Variants in ZNF217 observed in about 807,000 individuals in gnomAD.
ZNF217 encodes the protein zinc finger protein 217.
A neutral mutation model predicts 73.3 loss-of-function variants in ZNF217; 12 were observed. The observed-to-expected ratio is 0.16, with a 90% CI of 0.10 to 0.27. ZNF217 has a LOEUF of 0.27. Among genes scored for constraint, ZNF217 ranks in the 10% least tolerant of loss-of-function variants. The probability of loss-of-function intolerance (pLI) is 1.00; values close to 1 mark genes in which losing one functional copy is unlikely to be tolerated. For synonymous variants in ZNF217, 588 were observed against 516.4 expected (o/e 1.14, Z -1.88); for missense variants, 1,195 against 1,327.8 (o/e 0.90, Z 1.55).
In ZNF217 at chr20:53,581,129, TAAG is replaced by T. The variant is rs1203181568; in HGVS notation, c.1366+329_1366+331del. 6.6e-6 allele frequency among the ~76,000 whole-genome samples: 1 copy of T among 151,942 alleles called. No homozygotes were observed. Among genetic ancestry groups the T allele is most frequent in the Admixed American group, 6.6e-5 (1 of 15,260 alleles). On this transcript the variant is annotated intron_variant, in intron 2 of 5. Coordinates refer to ENST00000371471, the MANE Select transcript of ZNF217 (RefSeq NM_006526.3). The surrounding 1 kb of genome is among the most constrained non-coding windows in gnomAD (Gnocchi z 4.9). Reference sequence around the variant, plus strand: ...TGATTGGGAACAAAATCGCCCCAGTTAAGAAGCAGTGCATTTGGGCTGGATGCA... The same window carrying T: ...TGATTGGGAACAAAATCGCCCCAGTTAAGCAGTGCATTTGGGCTGGATGCA...
Position 53,575,790 on chromosome 20 carries a change from C to A in ZNF217, c.2974G>T (p.Gly992Cys), listed in dbSNP as rs1420052521. ...NVLTVQKPYG[G>C]SGPLYTCVPA... ...ACACAAGTGTAAAGTGGCCCGGAGC[C>A]ACCATAGGGCTTCTGAACAGTCAGC... The change falls in exon 4 of 6, where the codon GGC becomes TGC. Residue 992 changes from glycine to cysteine, a missense_variant. By Grantham distance (159) the Gly-to-Cys change is radical. Around this residue, in one of 9 missense-constraint regions of ZNF217, gnomAD observed 649 missense variants for 642.8 expected, o/e 1.01. Transcript: ENST00000371471. 5 of 1,612,528 alleles carry A rather than the reference C, an allele frequency of 3.1e-6. No individual in the cohort carries two copies. The South Asian group carries it at 5.5e-5, about 18-fold the overall frequency.
chr20:53,595,400 C>G (rs1465518368), upstream of ZNF217, among the ~76,000 whole-genome samples: 5 of 152,106 alleles, frequency 3.3e-5, no homozygotes, highest in Non-Finnish European at 7.4e-5. Flanking sequence ...TATCTATTTC[C>G]TAAATCAAAA....
chr20:53,570,992 A>C (rs1468075992), intron 5 of ZNF217, among the ~76,000 whole-genome samples: 1 of 152,198 alleles, frequency 6.6e-6, no homozygotes, highest in East Asian at 1.9e-4. Context: ...AAATAGTTTC[A>C]GCTTTGCAGG....
At position 53,583,166 on chromosome 20, in the gene ZNF217, ACC is replaced by A; in HGVS notation, c.-342_-341del. On this transcript the variant is annotated splice_region_variant and 5_prime_UTR_variant, in exon 2 of 6. An upstream open reading frame in the 5' UTR gains an earlier in-frame stop. Transcript: ENST00000371471. ...CAACCTGGAGACAAGGGATTTCCAA[ACC>A]CTAGAGGAAAAAAAACAGAAACGGT... 1 of 409,484 alleles carries A rather than the reference ACC, an allele frequency of 2.4e-6. No individual in the cohort carries two copies. The highest frequency in any genetic ancestry group is 1.0e-4 in the South Asian group (1 of 9,930). The allele number at this position is 409,484 out of a possible 1,614,324, so 25.4% of individuals were successfully genotyped here.
chr20:53,576,117 C>G lies in ZNF217; in HGVS notation c.2647G>C (p.Asp883His), dbSNP rs534730377. ...LGSSNINGSI[D>H]YPAKNDSPWA... ...GGGCTGTCGTTCTTGGCGGGGTAGTCGATGGAACCATTGATGTTACTGCTG... is the reference window on the plus strand; with the variant it reads ...GGGCTGTCGTTCTTGGCGGGGTAGTGGATGGAACCATTGATGTTACTGCTG... Residue 883 changes from aspartate to histidine, a missense_variant, in exon 4 of 6, where the codon GAC (aspartate) becomes CAC (histidine). Coordinates refer to ENST00000371471, the MANE Select transcript of ZNF217 (RefSeq NM_006526.3). 6.2e-7 allele frequency: 1 copy of G among 1,614,104 alleles called. No homozygotes were observed. The highest frequency in any genetic ancestry group is 2.2e-5 in the East Asian group (1 of 44,892).
rs34495111 is a variant in ZNF217, at chr20:53,575,869, C to T, written c.2895G>A (p.Ala965=). The T allele has an allele frequency of 0.02, 32,391 of 1,614,156 alleles. 1,387 individuals are homozygous for T. Among genetic ancestry groups the T allele is most frequent in the East Asian group, 0.16 (7,035 of 44,880 alleles). The change falls in exon 4 of 6, where the codon GCG becomes GCA. Residue 965 remains alanine, a synonymous_variant. Coordinates refer to ENST00000371471, the MANE Select transcript of ZNF217 (RefSeq NM_006526.3). ...LPQDCVYPSQ[A]LPPKPRFLSS... is the part of the protein sequence containing the mutation. ...TCAGGAACCTTGGTTTGGGAGGCAG[C>T]GCCTGCGACGGATACACACAGTCCT... is the stretch of plus-strand genomic sequence containing the variant.
intron 1 of ZNF217, among the ~76,000 whole-genome samples, chr20:53,589,310 TC>T (rs1472023923): frequency 6.6e-6 from 1 of 152,214 alleles, no homozygotes; most frequent in Non-Finnish European, 1.5e-5. Flanking sequence ...TCTTCAGCTG[TC>T]TTTTCAGGTT....
chr20:53,589,879 G>A (rs1355268971), intron 1 of ZNF217, among the ~76,000 whole-genome samples: 1 of 150,142 alleles, frequency 6.7e-6, no homozygotes, highest in Admixed American at 6.6e-5. Flanking sequence ...TCTTCCATGT[G>A]CGTTTAAATT....
At chr20:53,578,884 A>G (rs550390793) in intron 2 of ZNF217, among the ~76,000 whole-genome samples, 1 of 152,308 alleles carries the variant, frequency 6.6e-6, no homozygotes, top group South Asian at 2.1e-4. Flanking sequence ...ACAAACCGTC[A>G]ACTTCCCAAC....
chr20:53,574,872 A>G (rs1251153964), intron 4 of ZNF217: 1 of 152,016 alleles, frequency 6.6e-6, no homozygotes, highest in Non-Finnish European at 1.5e-5. Flanking sequence ...TACTGAGCAC[A>G]CCATACATGT....
At chr20:53,571,949 T>G in intron 4 of ZNF217, 96 bp from the exon 5 acceptor site, 1 of 1,286,100 alleles carries the variant, frequency 7.8e-7, no homozygotes, top group Non-Finnish European at 1.0e-6. Flanking sequence ...TTTCTGACAC[T>G]GATAATGTAA....
intron 5 of ZNF217, 53 bp from the exon 6 acceptor site, chr20:53,569,317 A>T: frequency 8.4e-7 from 1 of 1,193,760 alleles, no homozygotes; most frequent in Non-Finnish European, 1.1e-6. Context: ...AATACAGTTT[A>T]GAAAATTCTT....
intron 1 of ZNF217, among the ~76,000 whole-genome samples, chr20:53,590,994 TA>T (rs1988860095): frequency 6.6e-6 from 1 of 152,140 alleles, no homozygotes; most frequent in South Asian, 2.1e-4. Flanking sequence ...ACCCCCACCT[TA>T]AAAAAGTAAA....
chr20:53,571,802 C>T lies in ZNF217; in HGVS notation c.3089G>A (p.Arg1030Lys). 1 of 1,612,544 alleles carries T rather than the reference C, an allele frequency of 6.2e-7. No homozygotes were observed. The highest frequency in any genetic ancestry group is 8.5e-7 in the Non-Finnish European group (1 of 1,179,538). Reference protein sequence around the residue: ...QHLSNSMAQKRNYENFIGNAH... With the variant: ...QHLSNSMAQKKNYENFIGNAH... ...ATTCCCAATAAAATTCTCATAGTTT[C>T]TCTTTTGTGCCATGCTGTTAGATAA... Residue 1030 changes from arginine (R) to lysine (K), a missense_variant, in exon 5 of 6, where the codon AGA becomes AAA. Physicochemically the swap from Arg to Lys is conservative, Grantham distance 26. Around this residue, in one of 9 missense-constraint regions of ZNF217, gnomAD observed 649 missense variants for 642.8 expected, o/e 1.01. Coordinates refer to ENST00000371471, the MANE Select transcript of ZNF217 (RefSeq NM_006526.3).
At chr20:53,587,278 A>G (rs1275067680) in intron 1 of ZNF217, among the ~76,000 whole-genome samples, 1 of 152,248 alleles carries the variant, frequency 6.6e-6, no homozygotes, top group Non-Finnish European at 1.5e-5. Flanking sequence ...ATTTGTGACT[A>G]AAGCTACCAT....
At chr20:53,583,810 T>C (rs1988596749) in intron 1 of ZNF217, among the ~76,000 whole-genome samples, 1 of 152,242 alleles carries the variant, frequency 6.6e-6, no homozygotes, top group Non-Finnish European at 1.5e-5. Context: ...CCTGATATAT[T>C]TTGGTTCACT....
intron 1 of ZNF217, among the ~76,000 whole-genome samples, chr20:53,592,398 A>G (rs1447598639): frequency 1.1e-4 from 16 of 152,120 alleles, no homozygotes; most frequent in Non-Finnish European, 2.1e-4. Context: ...GGGGGGAAAG[A>G]AAAAGAAAAA....
chr20:53,597,299 C>G (rs1189134127), upstream of ZNF217, among the ~76,000 whole-genome samples: 3 of 151,900 alleles, frequency 2.0e-5, no homozygotes, highest in Non-Finnish European at 2.9e-5. Context: ...AACATAGATA[C>G]GGGACGTAAA....
At chr20:53,595,434 T>A, upstream of ZNF217, among the ~76,000 whole-genome samples, 1 of 152,192 alleles carries the variant, frequency 6.6e-6, no homozygotes, top group Non-Finnish European at 1.5e-5. Flanking sequence ...ACAGAAACGA[T>A]CCGGAGCTGG....
Sources: allele counts gnomAD v4.1 joint callset (sites outside exome capture counted in the v4.1 genomes callset), GRCh38; gene constraint gnomAD v4.1.1; regional missense constraint gnomAD v4.1.1; non-coding constraint Gnocchi (gnomAD v3.1); transcripts MANE v1.5; gene names NCBI Gene and HGNC (gene_info 2026-07-23, HGNC 2026-07-21).